The following TACC2 variants were observed in gnomAD, a reference collection of about 807,000 sequenced individuals.
The protein encoded by TACC2 is transforming acidic coiled-coil containing protein 2.
Under a neutral mutation model 227.3 loss-of-function variants are expected in TACC2, and 137 were observed. That is an observed-to-expected ratio of 0.60 (90% CI 0.52 to 0.69). The LOEUF is 0.69. TACC2 is among the 30% of genes least tolerant of loss of function. TACC2 has a pLI of 0.00. For missense variants in TACC2, 3,470 were observed against 3,694.4 expected (o/e 0.94, Z 1.57); for synonymous variants, 1,523 against 1,487.5 (o/e 1.02, Z -0.55).
At chr10:122,215,495 G>T in intron 10 of TACC2, 44 bp downstream of exon 10, 1 of 1,562,824 alleles carries the variant, frequency 6.4e-7, no homozygotes, top group Non-Finnish European at 8.8e-7. Context: ...CCCCCCCCGG[G>T]GGAGGTTTTC....
intron 2 of TACC2, among the ~76,000 whole-genome samples, chr10:122,026,101 G>A (rs11200344): frequency 0.22 from 31,996 of 146,810 alleles, 3,689 homozygotes; most frequent in African/African-American, 0.29. Context: ...GGCGGATCAT[G>A]AGGTCAGGAG....
chr10:122,137,183 C>T (rs1369876344), intron 6 of TACC2, among the ~76,000 whole-genome samples: 1 of 151,960 alleles, frequency 6.6e-6, no homozygotes, highest in Non-Finnish European at 1.5e-5. Context: ...TTGAGCTAAC[C>T]CTGGATGACA....
At chr10:122,078,065 C>T (rs752905741) in intron 3 of TACC2, among the ~76,000 whole-genome samples, 13 of 151,932 alleles carry the variant, frequency 8.6e-5, no homozygotes, top group Middle Eastern at 3.4e-3. Context: ...CATGGTGGTG[C>T]ACGCCTGTAG....
intron 3 of TACC2, among the ~76,000 whole-genome samples, chr10:122,060,740 C>T (rs1460544667): frequency 3.9e-5 from 6 of 152,198 alleles, no homozygotes; most frequent in Non-Finnish European, 7.3e-5. Flanking sequence ...TGCGGTGGCT[C>T]ATGTCTGTAA....
chr10:121,989,751 TTTA>T (rs1193577465), intron 1 of TACC2, among the ~76,000 whole-genome samples: 2 of 109,334 alleles, frequency 1.8e-5, no homozygotes, highest in East Asian at 2.5e-4. Flanking sequence ...TTAAATTAAT[TTTA>T]TTTTTTTTTT....
Position 122,180,158 on chromosome 10 carries a change from C to G in TACC2, c.5835-14882C>G, listed in dbSNP as rs998193645. On this transcript the variant is annotated intron_variant, in intron 7 of 22. Coordinates refer to ENST00000369005, the MANE Select transcript of TACC2 (RefSeq NM_206862.4). This position sits in a 1 kb window ranked among gnomAD's most constrained non-coding sequence, Gnocchi z 4.5. ...GACTCCTCATGGGTCTCAGCGAGGC[C>G]AGGTCATTGTCATTGTTACCTGCTT... is the stretch of plus-strand genomic sequence containing the variant. Among the ~76,000 whole-genome samples, 1 of 152,070 alleles carries G rather than the reference C, an allele frequency of 6.6e-6. No individual in the cohort carries two copies. The highest frequency in any genetic ancestry group is 2.4e-5 in the African/African-American group (1 of 41,426).
chr10:122,035,727 A>G (rs77007632), intron 2 of TACC2, among the ~76,000 whole-genome samples: 439 of 152,226 alleles, frequency 2.9e-3, no homozygotes, highest in African/African-American at 0.01. Flanking sequence ...CATCTTCTCA[A>G]ACTGAAACTC....
chr10:122,108,926 G>A (rs1326622317), intron 5 of TACC2, among the ~76,000 whole-genome samples: 1 of 151,474 alleles, frequency 6.6e-6, no homozygotes, highest in Admixed American at 6.6e-5. Flanking sequence ...GTAGAGATGG[G>A]GTTTCACCAC....
chr10:122,227,970 G>A lies in TACC2; in HGVS notation c.7858G>A (p.Ala2620Thr), dbSNP rs775393485. 32 of 1,614,126 alleles carry A rather than the reference G, an allele frequency of 2.0e-5. No homozygotes were observed. The highest frequency in any genetic ancestry group is 2.6e-5 in the Non-Finnish European group (31 of 1,180,028). ...GAAATCCTCCCAGAAGGAGCTGGAGGCCATGGGCTTGGGCACCCCTTCAGA... is the reference window on the plus strand; with the variant it reads ...GAAATCCTCCCAGAAGGAGCTGGAGACCATGGGCTTGGGCACCCCTTCAGA... Reference protein sequence around the residue: ...PEKSSQKELEAMGLGTPSEAI... With the variant: ...PEKSSQKELETMGLGTPSEAI... Residue 2620 changes from alanine (A) to threonine (T), a missense_variant, in exon 14 of 23, where the codon GCC (alanine) becomes ACC (threonine). Around this residue, in one of 10 missense-constraint regions of TACC2, gnomAD observed 345 missense variants for 354.4 expected, o/e 0.97. Coordinates refer to ENST00000369005, the MANE Select transcript of TACC2 (RefSeq NM_206862.4).
intron 3 of TACC2, among the ~76,000 whole-genome samples, chr10:122,058,887 T>G (rs1043718356): frequency 8.9e-6 from 1 of 111,856 alleles, no homozygotes; most frequent in African/African-American, 2.9e-5. Context: ...CCCAGCCCCC[T>G]CTGTGTGTTT....
intron 2 of TACC2, chr10:122,022,833 T>C (rs1957487139): frequency 6.6e-6 from 1 of 152,256 alleles, no homozygotes; most frequent in South Asian, 2.1e-4. Context: ...GTGCATAGGC[T>C]GAGATATTAC....
chr10:122,222,981 T>A (rs2095550127), intron 11 of TACC2, among the ~76,000 whole-genome samples: 1 of 151,780 alleles, frequency 6.6e-6, no homozygotes, highest in South Asian at 2.1e-4. Context: ...AAGTGATAGA[T>A]AGATCTGGAA....
At chr10:122,100,489 T>C (rs1199746185) in intron 5 of TACC2, among the ~76,000 whole-genome samples, 1 of 150,574 alleles carries the variant, frequency 6.6e-6, no homozygotes, top group Middle Eastern at 3.2e-3. Flanking sequence ...AGTGGCCCGA[T>C]CTTAGCTCAC....
chr10:122,198,357 C>G (rs2094648498), intron 8 of TACC2, among the ~76,000 whole-genome samples: 2 of 152,158 alleles, frequency 1.3e-5, no homozygotes, highest in South Asian at 4.1e-4. Flanking sequence ...ATCTGTGGGT[C>G]CCTTCAGATC....
chr10:122,097,759 G>A lies in TACC2; in HGVS notation c.5573+9168G>A, dbSNP rs150043571. On this transcript the variant is annotated intron_variant, in intron 5 of 22. Transcript: ENST00000369005. The stretch of plus-strand genomic sequence containing the variant: ...ACAATGTCTCCTGGGGGTAAAGGAG[G>A]GTTACAGTGGGGAGAAGATGAGATG... Among the ~76,000 whole-genome samples the A allele has an allele frequency of 5.4e-4, 82 of 152,226 alleles. 1 individual carries two copies. In the East Asian group the frequency reaches 0.013, roughly 24 times the overall value.
chr10:122,249,607 C>T lies in TACC2; in HGVS notation c.8724C>T (p.Ala2908=). The change falls in exon 22 of 23, where the codon GCC becomes GCT. Residue 2908 remains alanine, a synonymous_variant. Coordinates refer to ENST00000369005, the MANE Select transcript of TACC2 (RefSeq NM_206862.4). The part of the protein sequence containing the change: ...KAQQEQAAHQ[A]SLRKEQLRVD... ...AGCAGGAGCAAGCCGCCCACCAGGC[C>T]AGCCTGCGGAAGGAGCAGCTGCGAG... 1 of 1,614,142 alleles carries T rather than the reference C, an allele frequency of 6.2e-7. No homozygotes were observed. Among genetic ancestry groups the T allele is most frequent in the Non-Finnish European group, 8.5e-7 (1 of 1,180,032 alleles).
rs555558198 is a variant in TACC2 at position 122,030,926 on chromosome 10, A to G, written c.33+8912A>G. On this transcript the variant is annotated intron_variant, in intron 2 of 22. Coordinates refer to ENST00000369005, the MANE Select transcript of TACC2 (RefSeq NM_206862.4). ...CAACCCAAACTCAGCTTCTGCCTCC[A>G]TAATGCTCAGCCTCCTGTGATCCCC... Among the ~76,000 whole-genome samples, 29 of 152,124 alleles carry G rather than the reference A, an allele frequency of 1.9e-4. No individual in the cohort carries two copies. The South Asian group carries it at 5.4e-3, about 28-fold the overall frequency.
rs2095382658 is a variant in TACC2, at chr10:122,215,456, A to G, written c.7344+5A>G. 6.2e-7 allele frequency: 1 copy of G among 1,613,424 alleles called. No individual in the cohort carries two copies. The highest frequency in any genetic ancestry group is 8.5e-7 in the Non-Finnish European group (1 of 1,179,452). ...CTCTCTGATCCACCTTCCCAGGTAC[A>G]GTGTTCCTTTGATCTTGATGGTTTT... On this transcript the variant is annotated splice_donor_5th_base_variant and intron_variant, in intron 10 of 22. Coordinates refer to ENST00000369005, the MANE Select transcript of TACC2 (RefSeq NM_206862.4).
At chr10:122,204,021 G>A (rs557928129) in intron 8 of TACC2, among the ~76,000 whole-genome samples, 2 of 151,354 alleles carry the variant, frequency 1.3e-5, no homozygotes, top group Admixed American at 1.3e-4. Flanking sequence ...AGTCAGGTGT[G>A]GCGGCGCGCG....
Sources: allele counts gnomAD v4.1 joint callset (sites outside exome capture counted in the v4.1 genomes callset), GRCh38; gene constraint gnomAD v4.1.1; regional missense constraint gnomAD v4.1.1; non-coding constraint Gnocchi (gnomAD v3.1); transcripts MANE v1.5; gene names NCBI Gene and HGNC (gene_info 2026-07-23, HGNC 2026-07-21).